Variants in TYROBP observed in about 807,000 individuals in gnomAD.
The protein encoded by TYROBP is TYRO protein tyrosine kinase-binding protein.
Under a neutral mutation model 17.1 loss-of-function variants are expected in TYROBP, and 14 were observed. The ratio of observed to expected loss-of-function variants is 0.82; its 90% CI spans 0.54 to 1.28. The LOEUF (loss-of-function observed/expected upper bound fraction) is 1.28, where lower values mean the gene tolerates loss of function less well. TYROBP is among the 50% of genes most tolerant of loss of function. TYROBP has a pLI of 0.00. For missense variants in TYROBP, 161 were observed against 151.4 expected, an observed-to-expected ratio of 1.06 and a Z score of -0.33; for synonymous variants, 73 against 67.4, an observed-to-expected ratio of 1.08 and a Z score of -0.41.
intron 1 of TYROBP, 79 bp downstream of exon 1, chr19:35,908,089 C>G: frequency 1.5e-6 from 2 of 1,324,236 alleles, no homozygotes; most frequent in South Asian, 2.4e-5. Flanking sequence ...TTTTGGTTCT[C>G]TCGTTCCACC....
At chr19:35,907,688 T>G in intron 2 of TYROBP, 42 bp downstream of exon 2, 7 of 1,612,078 alleles carry the variant, frequency 4.3e-6, no homozygotes, top group Non-Finnish European at 5.9e-6. Flanking sequence ...GACAGGGAGG[T>G]CTCTGGGAGG....
chr19:35,905,709 C>G (rs1314952631), intron 4 of TYROBP, among the ~76,000 whole-genome samples: 1 of 150,874 alleles, frequency 6.6e-6, no homozygotes, highest in Admixed American at 6.6e-5. Flanking sequence ...AATCCCAGCA[C>G]TTTGGGAGGG....
chr19:35,907,386 C>T, intron 3 of TYROBP, 60 bp downstream of exon 3: 1 of 1,359,694 alleles, frequency 7.4e-7, no homozygotes, highest in Non-Finnish European at 1.1e-6. Flanking sequence ...TGGGAGTTTA[C>T]CCAGCCCCCC....
intron 1 of TYROBP, 60 bp downstream of exon 1, chr19:35,908,108 T>C: frequency 6.7e-7 from 1 of 1,484,412 alleles, no homozygotes; most frequent in Non-Finnish European, 9.4e-7. Context: ...CCCCACTCCC[T>C]GCCCTGCCCC....
chr19:35,907,820 C>G (rs1975768922), intron 1 of TYROBP, 58 bp from the exon 2 acceptor site: 1 of 1,584,590 alleles, frequency 6.3e-7, no homozygotes, highest in Non-Finnish European at 8.6e-7. Context: ...GTGGGGGAGG[C>G]AAGTTTAGAA....
chr19:35,907,358 C>T (rs763570752), intron 3 of TYROBP, 88 bp downstream of exon 3: 6 of 1,606,196 alleles, frequency 3.7e-6, no homozygotes, highest in Middle Eastern at 1.7e-4. Context: ...ATTACCATCC[C>T]TTTGGATGTT....
intron 4 of TYROBP, 102 bp downstream of exon 4, chr19:35,907,105 GGGGGTGCTTTA>G: frequency 1.9e-6 from 2 of 1,045,190 alleles, no homozygotes; most frequent in South Asian, 2.7e-5. Context: ...TTCAAGGTTT[GGGGGTGCTTTA>G]GGCAGAGTGG....
chr19:35,907,036 C>T (rs535284232), intron 4 of TYROBP, among the ~76,000 whole-genome samples, 182 bp downstream of exon 4: 1 of 152,246 alleles, frequency 6.6e-6, no homozygotes, highest in Admixed American at 6.5e-5. Flanking sequence ...ACATTTTAAG[C>T]TGACCATAAG....
chr19:35,907,354 A>G lies in TYROBP; in HGVS notation c.230-90T>C, dbSNP rs762916364. The G allele has an allele frequency of 4.4e-6, 7 of 1,605,902 alleles. No individual in the cohort carries two copies. In the Admixed American group the frequency reaches 1.0e-4, roughly 23 times the overall value. The stretch of plus-strand genomic sequence containing the variant: ...ATTCCAAATCAGCACCTCCATTACC[A>G]TCCCTTTGGATGTTTGAGATCTGGG... On this transcript the variant is annotated intron_variant, in intron 3 of 4. Coordinates refer to ENST00000262629, the MANE Select transcript of TYROBP (RefSeq NM_003332.4).
At chr19:35,905,737 G>A (rs920656540) in intron 4 of TYROBP, among the ~76,000 whole-genome samples, 10 of 151,698 alleles carry the variant, frequency 6.6e-5, no homozygotes, top group Non-Finnish European at 1.2e-4. Context: ...GGCGGATCAC[G>A]AGGTCAGGAG....
rs1975764520 is a variant in TYROBP, at chr19:35,907,666, G to A, written c.94+64C>T. 1.9e-6 allele frequency: 3 copies of A among 1,612,898 alleles called. No homozygotes were observed. The African/African-American group carries it at 4.0e-5, about 22-fold the overall frequency. On this transcript the variant is annotated intron_variant, in intron 2 of 4. Coordinates refer to ENST00000262629, the MANE Select transcript of TYROBP (RefSeq NM_003332.4). ...CGGCAGGGAGGTTTGGAAAGGGTGT[G>A]GGAGAGACGGAGACAGGGAGGTCTC...
intron 4 of TYROBP, among the ~76,000 whole-genome samples, chr19:35,905,062 T>C (rs1390012595): frequency 6.6e-6 from 1 of 152,096 alleles, no homozygotes; most frequent in Non-Finnish European, 1.5e-5. Context: ...GGATATAAAC[T>C]CTGTCACTGT....
At chr19:35,906,690 C>G (rs1316051870) in intron 4 of TYROBP, among the ~76,000 whole-genome samples, 4 of 151,518 alleles carry the variant, frequency 2.6e-5, no homozygotes, top group African/African-American at 4.9e-5. Context: ...TTTACACTTA[C>G]AAAGGCAAAG....
Position 35,905,060 on chromosome 19 carries a change from A to C in TYROBP, c.277-426T>G, listed in dbSNP as rs530010344. 1.4e-4 allele frequency among the ~76,000 whole-genome samples: 21 copies of C among 152,178 alleles called. No homozygotes were observed. In the East Asian group the frequency reaches 1.5e-3, roughly 11 times the overall value. ...TAAGTTTGTCTTAACTAGGATATAAACTCTGTCACTGTGTCCCCAGCATTT... is the reference window on the plus strand; with the variant it reads ...TAAGTTTGTCTTAACTAGGATATAACCTCTGTCACTGTGTCCCCAGCATTT... On this transcript the variant is annotated intron_variant, in intron 4 of 4. Transcript: ENST00000262629.
At chr19:35,908,143 G>A (rs930242660) in intron 1 of TYROBP, 25 bp downstream of exon 1, 24 of 1,610,032 alleles carry the variant, frequency 1.5e-5, no homozygotes, top group Non-Finnish European at 2.0e-5. Flanking sequence ...GACCCGGGAG[G>A]CAGCCACGGA....
intron 1 of TYROBP, among the ~76,000 whole-genome samples, 176 bp from the exon 2 acceptor site, chr19:35,907,938 T>C (rs546446926): frequency 2.0e-5 from 3 of 152,148 alleles, no homozygotes; most frequent in Non-Finnish European, 4.4e-5. Context: ...GCGTTACTTC[T>C]GCACAACTTG....
At chr19:35,907,705 G>C (rs373306748) in intron 2 of TYROBP, 25 bp downstream of exon 2, 6 of 1,613,974 alleles carry the variant, frequency 3.7e-6, no homozygotes, top group Non-Finnish European at 5.1e-6. Context: ...GAGGTAGAGA[G>C]AGGGACTGCT....
At chr19:35,908,058 T>C in intron 1 of TYROBP, 110 bp downstream of exon 1, 1 of 1,004,490 alleles carries the variant, frequency 1.0e-6, no homozygotes, top group Non-Finnish European at 1.5e-6. Context: ...GTTGGGGACC[T>C]GCTCCCATCC....
Position 35,907,566 on chromosome 19 carries a change from T to C in TYROBP, c.109A>G (p.Thr37Ala). The C allele has an allele frequency of 1.2e-6, 2 of 1,613,890 alleles. No individual in the cohort carries two copies. The highest frequency in any genetic ancestry group is 2.2e-5 in the East Asian group (1 of 44,874). The change falls in exon 3 of 5, where the codon ACG (threonine) becomes GCG (alanine). Residue 37 changes from threonine to alanine, a missense_variant. Transcript: ENST00000262629. ...CCTGCCAGCACGCCCGGGCTCACCG[T>C]AGAGCAACTGCAATCTGCAGCACAG... ...AQAQSDCSCSTVSPGVLAGIV... is the reference protein window; with the variant it reads ...AQAQSDCSCSAVSPGVLAGIV...
Sources: allele counts gnomAD v4.1 joint callset (sites outside exome capture counted in the v4.1 genomes callset), GRCh38; gene constraint gnomAD v4.1.1; transcripts MANE v1.5; gene names NCBI Gene and HGNC (gene_info 2026-07-23, HGNC 2026-07-21).